The following MID1 variants were observed in gnomAD, a reference collection of about 807,000 sequenced individuals.
MID1 encodes the protein E3 ubiquitin-protein ligase Midline-1.
In MID1, 7 loss-of-function variants were observed where a neutral mutation model predicts 40.4. The observed-to-expected ratio is 0.17, with a 90% CI of 0.10 to 0.33. The LOEUF (loss-of-function observed/expected upper bound fraction) is 0.33, where lower values mean the gene tolerates loss of function less well. MID1 is among the 10% of genes least tolerant of loss of function. MID1 has a pLI of 1.00. For synonymous variants in MID1, 229 were observed against 221.2 expected, an observed-to-expected ratio of 1.04 and a Z score of -0.31; for missense variants, 367 against 558.5, an observed-to-expected ratio of 0.66 and a Z score of 3.46.
chrX:10,594,429 T>C lies in MID1; in HGVS notation c.-57+25861A>G, dbSNP rs890714450. Reference sequence around the variant, plus strand: ...TCTAAGGACCCCTCAAGGGATATTATAAACTTAATGTCTTGGGGAATTCTG... The same window carrying C: ...TCTAAGGACCCCTCAAGGGATATTACAAACTTAATGTCTTGGGGAATTCTG... On this transcript the variant is annotated intron_variant, in intron 1 of 9. Coordinates refer to ENST00000317552, the MANE Select transcript of MID1 (RefSeq NM_000381.4). Among the ~76,000 whole-genome samples the C allele has an allele frequency of 2.8e-4, 31 of 111,862 alleles. 1 individual carries two copies. The highest frequency in any genetic ancestry group is 1.0e-3 in the African/African-American group (31 of 30,721).
At chrX:10,590,682 T>C (rs1465776981) in intron 1 of MID1, among the ~76,000 whole-genome samples, 1 of 112,578 alleles carries the variant, frequency 8.9e-6, no homozygotes, top group Non-Finnish European at 1.9e-5. Flanking sequence ...TTAAAACATA[T>C]TCTCAAGGCA....
At chrX:10,778,748 T>C (rs1219572982) in intron 1 of MID1, among the ~76,000 whole-genome samples, 1 of 112,874 alleles carries the variant, frequency 8.9e-6, no homozygotes, top group East Asian at 2.8e-4. Context: ...AGGTGACCAC[T>C]AGAAGCTGGA....
intron 1 of MID1, among the ~76,000 whole-genome samples, chrX:10,592,820 TA>T (rs201037575): frequency 2.3e-4 from 26 of 111,370 alleles, no homozygotes; most frequent in East Asian, 8.4e-4. Context: ...TCAATTAACT[TA>T]AAAAAAATCC....
At chrX:10,520,068 A>G (rs1932632253) in intron 3 of MID1, among the ~76,000 whole-genome samples, 1 of 112,356 alleles carries the variant, frequency 8.9e-6, no homozygotes, top group Non-Finnish European at 1.9e-5. Context: ...TGTTGCATAA[A>G]TAAGCTGACA....
intron 2 of MID1, among the ~76,000 whole-genome samples, chrX:10,533,709 G>C (rs1602363189): frequency 8.9e-6 from 1 of 111,830 alleles, no homozygotes; most frequent in East Asian, 2.8e-4. Context: ...TTATAGATAA[G>C]ATGTCTTAAA....
intron 3 of MID1, among the ~76,000 whole-genome samples, chrX:10,510,820 G>C (rs780052108): frequency 3.1e-4 from 19 of 62,097 alleles, no homozygotes; most frequent in Non-Finnish European, 3.2e-4. Context: ...AACAGAGCAA[G>C]ACTCTGTCTC....
intron 2 of MID1, 84 bp from the exon 3 acceptor site, chrX:10,523,271 G>T: frequency 3.0e-6 from 2 of 656,888 alleles, no homozygotes; most frequent in Non-Finnish European, 4.8e-6. Flanking sequence ...TCATTCTCAG[G>T]AAAAACTGAT....
chrX:10,782,784 T>C (rs765904353), intron 1 of MID1, among the ~76,000 whole-genome samples: 22 of 112,253 alleles, frequency 2.0e-4, no homozygotes, highest in Non-Finnish European at 3.6e-4. Context: ...TGTATCAGTA[T>C]ATGATCAATC....
At chrX:10,819,476 T>C (rs1207121798) in intron 1 of MID1, among the ~76,000 whole-genome samples, 1 of 111,906 alleles carries the variant, frequency 8.9e-6, no homozygotes, top group African/African-American at 3.2e-5. Flanking sequence ...CATGAGACAG[T>C]GGATGTCCTT....
intron 2 of MID1, among the ~76,000 whole-genome samples, chrX:10,560,533 C>A (rs748636342): frequency 9.0e-6 from 1 of 111,401 alleles, no homozygotes; most frequent in Non-Finnish European, 1.9e-5. Flanking sequence ...TCTCAGGATA[C>A]AAAATCAATG....
Position 10,516,597 on chromosome X carries a change from TGTGTGTGTGTGTGCGCGC to T in MID1, c.756+6477_756+6494del, listed in dbSNP as rs753412337. ...GTGTGTGTGTGTGTGTGTGTGTGTG[TGTGTGTGTGTGTGCGCGC>T]GCGCACGCGTGTGTTTTAAGAGACA... On this transcript the variant is annotated intron_variant, in intron 3 of 9. Coordinates refer to ENST00000317552, the MANE Select transcript of MID1 (RefSeq NM_000381.4). Among the ~76,000 whole-genome samples the T allele has an allele frequency of 7.5e-3, 658 of 88,298 alleles. 7 individuals are homozygous for T. The highest frequency in any genetic ancestry group is 0.039 in the African/African-American group (632 of 16,066). 76.7% of individuals were successfully genotyped at this position (88,298 alleles called of 115,157 possible).
intron 1 of MID1, among the ~76,000 whole-genome samples, chrX:10,768,419 G>A (rs758354435): frequency 1.8e-5 from 2 of 111,753 alleles, no homozygotes; most frequent in East Asian, 2.8e-4. Context: ...TTAAACAAAG[G>A]TGATGTGTCA....
intron 2 of MID1, among the ~76,000 whole-genome samples, chrX:10,545,426 C>T (rs1029731217): frequency 6.3e-5 from 7 of 111,952 alleles, no homozygotes; most frequent in Admixed American, 2.8e-4. Context: ...CCCAGATGAA[C>T]GAGACTTTCA....
At chrX:10,662,091 G>A (rs2042918209) in intron 1 of MID1, among the ~76,000 whole-genome samples, 1 of 111,671 alleles carries the variant, frequency 9.0e-6, no homozygotes, top group Non-Finnish European at 1.9e-5. Flanking sequence ...GATCACCTGA[G>A]GTCAGGAGTT....
intron 1 of MID1, among the ~76,000 whole-genome samples, chrX:10,651,460 C>T (rs7051765): frequency 0.075 from 8,360 of 111,859 alleles, 443 homozygotes; most frequent in African/African-American, 0.19. Context: ...CCTATAGAAC[C>T]CAGCTTAACT....
intron 1 of MID1, among the ~76,000 whole-genome samples, chrX:10,618,847 T>C (rs944026222): frequency 1.8e-5 from 2 of 111,886 alleles, no homozygotes; most frequent in Non-Finnish European, 3.8e-5. Flanking sequence ...AATAACTTCT[T>C]TGTTCCAGCT....
intron 1 of MID1, among the ~76,000 whole-genome samples, chrX:10,778,429 C>T (rs2043822072): frequency 1.8e-5 from 2 of 111,422 alleles, no homozygotes; most frequent in African/African-American, 6.5e-5. Flanking sequence ...GTTAATGTGT[C>T]TCTTGTAACA....
chrX:10,636,838 C>T (rs190693462), intron 1 of MID1, among the ~76,000 whole-genome samples: 3 of 74,692 alleles, frequency 4.0e-5, no homozygotes, highest in African/African-American at 1.6e-4. Context: ...TGACTGACAC[C>T]TGAAATTCTA....
intron 1 of MID1, among the ~76,000 whole-genome samples, chrX:10,572,577 A>C (rs1247127868): frequency 9.4e-6 from 1 of 106,843 alleles, no homozygotes; most frequent in Non-Finnish European, 1.9e-5. Context: ...AACAACAAAA[A>C]CCCCAATATC....
Sources: allele counts gnomAD v4.1 joint callset (sites outside exome capture counted in the v4.1 genomes callset), GRCh38; gene constraint gnomAD v4.1.1; transcripts MANE v1.5; gene names NCBI Gene and HGNC (gene_info 2026-07-23, HGNC 2026-07-21).